TRPC4: variants seen among roughly 807,000 people sequenced by gnomAD.
TRPC4 encodes transient receptor potential cation channel subfamily C member 4.
TRPC4 carries 49 observed loss-of-function variants against 99.4 expected under a neutral mutation model. The ratio of observed to expected loss-of-function variants is 0.49; its 90% CI spans 0.39 to 0.63. TRPC4 has a LOEUF of 0.63. Ranked by LOEUF, TRPC4 falls within the 20% of genes least tolerant of loss-of-function variation. TRPC4 has a pLI of 0.00. For synonymous variants in TRPC4, 454 were observed against 425.9 expected, an observed-to-expected ratio of 1.07 and a Z score of -0.81; for missense variants, 898 against 1,152.9, an observed-to-expected ratio of 0.78 and a Z score of 3.20.
intron 3 of TRPC4, among the ~76,000 whole-genome samples, chr13:37,744,637 C>T (rs138036978): frequency 1.3e-5 from 2 of 152,234 alleles, no homozygotes; most frequent in Admixed American, 6.5e-5. Context: ...ACAGACAAAG[C>T]AGCCAGGGCT....
At chr13:37,762,776 G>A (rs1365161174) in intron 2 of TRPC4, among the ~76,000 whole-genome samples, 1 of 147,930 alleles carries the variant, frequency 6.8e-6, no homozygotes, top group Middle Eastern at 3.4e-3. Context: ...TAAATGATGA[G>A]TTAATGGGTG....
At chr13:37,844,764 A>C (rs1390003820) in intron 1 of TRPC4, among the ~76,000 whole-genome samples, 1 of 152,182 alleles carries the variant, frequency 6.6e-6, no homozygotes, top group African/African-American at 2.4e-5. Flanking sequence ...GTAACTCCAC[A>C]AAACCGTGAT....
intron 1 of TRPC4, among the ~76,000 whole-genome samples, chr13:37,845,676 C>T (rs1958873305): frequency 6.6e-6 from 1 of 151,128 alleles, no homozygotes; most frequent in African/African-American, 2.4e-5. Context: ...TATGGAACAC[C>T]ATAAAGCAAA....
intron 3 of TRPC4, among the ~76,000 whole-genome samples, chr13:37,730,747 G>T (rs12874443): frequency 0.29 from 44,469 of 151,850 alleles, 8,434 homozygotes; most frequent in Non-Finnish European, 0.43. Context: ...ATTTCTAAAC[G>T]AATTCCCACA....
At chr13:37,811,250 G>A (rs1209486085) in intron 1 of TRPC4, among the ~76,000 whole-genome samples, 1 of 152,042 alleles carries the variant, frequency 6.6e-6, no homozygotes, top group African/African-American at 2.4e-5. Flanking sequence ...ATCAATATAT[G>A]TTTGTAGAAC....
At chr13:37,761,861 A>G (rs571823706) in intron 2 of TRPC4, among the ~76,000 whole-genome samples, 12 of 151,922 alleles carry the variant, frequency 7.9e-5, no homozygotes, top group Admixed American at 2.6e-4. Context: ...CGATTTTGTA[A>G]GTGTAGATGT....
In TRPC4 at chr13:37,863,371, C is replaced by A. The variant is rs529667418; in HGVS notation, c.-28+6224G>T. Among the ~76,000 whole-genome samples the A allele has an allele frequency of 1.3e-4, 19 of 151,690 alleles. No homozygotes were observed. In the East Asian group the frequency reaches 3.5e-3, roughly 28 times the overall value. On this transcript the variant is annotated intron_variant, in intron 1 of 10. Transcript: ENST00000379705. Reference sequence around the variant, plus strand: ...TACTATTTGATAATAATTTGTGTCTCACACTCAAGCAGTCTCCCACTCTTT... The same window carrying A: ...TACTATTTGATAATAATTTGTGTCTAACACTCAAGCAGTCTCCCACTCTTT...
intron 8 of TRPC4, among the ~76,000 whole-genome samples, chr13:37,649,913 G>A (rs990355670): frequency 3.9e-5 from 6 of 152,170 alleles, no homozygotes; most frequent in African/African-American, 1.4e-4. Context: ...GTTGTAATCT[G>A]ACTTTGGTTT....
At position 37,818,085 on chromosome 13, in the gene TRPC4, T is replaced by A. The variant is rs1957909477; in HGVS notation, c.-27-34725A>T. Among the ~76,000 whole-genome samples the A allele has an allele frequency of 2.0e-5, 3 of 151,736 alleles. No individual in the cohort carries two copies. In the South Asian group the frequency reaches 6.2e-4, roughly 32 times the overall value. ...TTTGCATAGCAAAGAAAATGATTAA[T>A]AGCGTGAACAGACAGCCTACAGAAT... On this transcript the variant is annotated intron_variant, in intron 1 of 10. Transcript: ENST00000379705.
intron 8 of TRPC4, among the ~76,000 whole-genome samples, chr13:37,643,662 A>T (rs1373842636): frequency 2.0e-5 from 3 of 152,164 alleles, no homozygotes; most frequent in African/African-American, 7.2e-5. Flanking sequence ...CTGGGAATAT[A>T]CAGATTAGAT....
chr13:37,836,697 A>T (rs552600394), intron 1 of TRPC4, among the ~76,000 whole-genome samples: 1 of 152,208 alleles, frequency 6.6e-6, no homozygotes, highest in Non-Finnish European at 1.5e-5. Context: ...ATGGAGCCTA[A>T]AAGTTTGGAA....
intron 1 of TRPC4, 131 bp from the exon 2 acceptor site, chr13:37,783,491 G>GTT: frequency 1.2e-4 from 63 of 539,358 alleles, no homozygotes; most frequent in South Asian, 2.4e-4. Flanking sequence ...AAGAGTTAAG[G>GTT]TTTTTTTTTT....
At position 37,718,212 on chromosome 13, in the gene TRPC4, T is replaced by A. The variant is rs1294425399; in HGVS notation, c.898-25877A>T. ...CATACGTAGGGCAGACTGCAGACAG[T>A]CTAGGTAAAGGGGATTTAGAGAAGT... On this transcript the variant is annotated intron_variant, in intron 3 of 10. Coordinates refer to ENST00000379705, the MANE Select transcript of TRPC4 (RefSeq NM_016179.4). Among the ~76,000 whole-genome samples, 4 of 151,896 alleles carry A rather than the reference T, an allele frequency of 2.6e-5. 1 individual carries two copies. The highest frequency in any genetic ancestry group is 2.6e-4 in the Admixed American group (4 of 15,218).
intron 8 of TRPC4, among the ~76,000 whole-genome samples, chr13:37,646,190 C>G (rs1593424334): frequency 6.6e-6 from 1 of 152,288 alleles, no homozygotes; most frequent in East Asian, 1.9e-4. Flanking sequence ...GCTAGTCAGG[C>G]TTGAATATTC....
At chr13:37,811,779 T>C (rs1347786280) in intron 1 of TRPC4, among the ~76,000 whole-genome samples, 1 of 152,068 alleles carries the variant, frequency 6.6e-6, no homozygotes, top group Non-Finnish European at 1.5e-5. Context: ...ATGAAGCTTT[T>C]AGGTAGACTA....
At chr13:37,832,233 G>A (rs762513815) in intron 1 of TRPC4, among the ~76,000 whole-genome samples, 25 of 152,064 alleles carry the variant, frequency 1.6e-4, no homozygotes, top group Admixed American at 3.9e-4. Context: ...CAACAAATGA[G>A]AGAAAATTAG....
intron 1 of TRPC4, among the ~76,000 whole-genome samples, chr13:37,784,610 G>T (rs1027043065): frequency 1.5e-4 from 23 of 151,936 alleles, no homozygotes; most frequent in Admixed American, 5.2e-4. Context: ...AATGAATAGG[G>T]TGTTCTAGGT....
intron 2 of TRPC4, among the ~76,000 whole-genome samples, chr13:37,780,138 G>A (rs945563202): frequency 3.3e-5 from 5 of 152,082 alleles, no homozygotes; most frequent in African/African-American, 1.2e-4. Flanking sequence ...GCCTTTAAGT[G>A]TAGACAAATT....
chr13:37,788,410 T>C (rs1957025019), intron 1 of TRPC4, among the ~76,000 whole-genome samples: 1 of 152,196 alleles, frequency 6.6e-6, no homozygotes, highest in Non-Finnish European at 1.5e-5. Context: ...CTCTCTAACA[T>C]GGTGTTTATC....
Sources: gnomAD v4.1 joint callset for allele counts (sites outside exome capture counted in the v4.1 genomes callset) on GRCh38, gnomAD v4.1.1 for gene constraint, MANE v1.5 for transcripts, NCBI Gene and HGNC (gene_info 2026-07-23, HGNC 2026-07-21) for gene names.